The following NADSYN1 variants were observed in gnomAD, a reference collection of about 807,000 sequenced individuals.
NADSYN1 encodes NAD synthetase 1.
A neutral mutation model predicts 99.3 loss-of-function variants in NADSYN1; 80 were observed. That is an observed-to-expected ratio of 0.81 (90% CI 0.67 to 0.97). The LOEUF (loss-of-function observed/expected upper bound fraction) is 0.97, where lower values mean the gene tolerates loss of function less well. Ranked by LOEUF, NADSYN1 falls within the 50% of genes least tolerant of loss-of-function variation. The pLI is 0.00. For synonymous variants in NADSYN1, 385 were observed against 372.1 expected (o/e 1.03, Z -0.40); for missense variants, 859 against 948.5 (o/e 0.91, Z 1.24).
rs118169301 is a variant in NADSYN1, at chr11:71,457,371, C to T, written c.147-1057C>T. Reference sequence around the variant, plus strand: ...GTTTTGGGGTTTATGCAGGTGTGTGCGAGGTTTGCTGGGCATTTGAAGTGT... The same window carrying T: ...GTTTTGGGGTTTATGCAGGTGTGTGTGAGGTTTGCTGGGCATTTGAAGTGT... On this transcript the variant is annotated intron_variant, in intron 2 of 20. Transcript: ENST00000319023. 2.6e-3 allele frequency among the ~76,000 whole-genome samples: 393 copies of T among 152,286 alleles called. 10 individuals are homozygous for T. In the East Asian group the frequency reaches 0.06, roughly 23 times the overall value.
At chr11:71,495,724 C>G (rs145193835) in intron 18 of NADSYN1, among the ~76,000 whole-genome samples, 1 of 152,238 alleles carries the variant, frequency 6.6e-6, no homozygotes, top group Non-Finnish European at 1.5e-5. Context: ...GTGCGCAACC[C>G]GTCAGGTGCT....
chr11:71,495,849 G>A (rs1949815300), intron 18 of NADSYN1, among the ~76,000 whole-genome samples: 1 of 152,204 alleles, frequency 6.6e-6, no homozygotes, highest in African/African-American at 2.4e-5. Flanking sequence ...GTCTGATGAT[G>A]GCCCTGGGGT....
At chr11:71,473,711 C>T (rs774543098) in intron 8 of NADSYN1, 25 bp downstream of exon 8, 70 of 1,518,406 alleles carry the variant, frequency 4.6e-5, no homozygotes, top group Middle Eastern at 1.7e-4. Context: ...AGGGAGCGTG[C>T]GCCACAGGGC....
At chr11:71,498,263 C>A in intron 19 of NADSYN1, 89 bp from the exon 20 acceptor site, 1 of 1,452,358 alleles carries the variant, frequency 6.9e-7, no homozygotes, top group Non-Finnish European at 9.5e-7. Flanking sequence ...ACCCATTAGT[C>A]ATTTGCTTGT....
intron 14 of NADSYN1, among the ~76,000 whole-genome samples, chr11:71,483,283 T>G (rs1370894981): frequency 6.6e-6 from 1 of 152,178 alleles, no homozygotes; most frequent in African/African-American, 2.4e-5. Flanking sequence ...TCTCTTGGTT[T>G]GAGCCAGATT....
chr11:71,470,992 T>A (rs1949622903), intron 5 of NADSYN1, among the ~76,000 whole-genome samples: 1 of 152,246 alleles, frequency 6.6e-6, no homozygotes, highest in African/African-American at 2.4e-5. Context: ...TATCTGCAAG[T>A]ATTTTAAGAC....
At chr11:71,459,314 G>A (rs563603456) in intron 3 of NADSYN1, among the ~76,000 whole-genome samples, 7 of 149,506 alleles carry the variant, frequency 4.7e-5, no homozygotes, top group South Asian at 2.1e-4. Flanking sequence ...CTGTGCTGGC[G>A]TCTGTGCTGT....
intron 3 of NADSYN1, 88 bp from the exon 4 acceptor site, chr11:71,463,344 C>A: frequency 8.4e-7 from 1 of 1,197,084 alleles, no homozygotes; most frequent in African/African-American, 1.5e-5. Context: ...AAGTAAAATG[C>A]ATGATTCCAG....
intron 20 of NADSYN1, chr11:71,499,336 A>G (rs1020904040): frequency 6.6e-6 from 1 of 152,130 alleles, no homozygotes; most frequent in African/African-American, 2.4e-5. Flanking sequence ...GGGTAGTTCT[A>G]TTTTTAATCT....
intron 2 of NADSYN1, 51 bp from the exon 3 acceptor site, chr11:71,458,377 C>A: frequency 7.0e-7 from 1 of 1,434,816 alleles, no homozygotes; most frequent in Middle Eastern, 1.7e-4. Flanking sequence ...CCCTGCCCCT[C>A]CCCGCTCACC....
chr11:71,479,406 A>G (rs1464390801), intron 10 of NADSYN1: 2 of 151,724 alleles, frequency 1.3e-5, no homozygotes, highest in Non-Finnish European at 2.9e-5. Flanking sequence ...TTTTTTTCAT[A>G]GCAGTTTTAT....
intron 14 of NADSYN1, among the ~76,000 whole-genome samples, 157 bp from the exon 15 acceptor site, chr11:71,484,155 T>C (rs980480973): frequency 6.6e-6 from 1 of 152,232 alleles, no homozygotes; most frequent in African/African-American, 2.4e-5. Context: ...ATGGTGGTGA[T>C]GGCTGCGCAG....
intron 19 of NADSYN1, among the ~76,000 whole-genome samples, chr11:71,497,821 G>C (rs182266390): frequency 1.3e-5 from 2 of 151,550 alleles, no homozygotes; most frequent in African/African-American, 4.9e-5. Context: ...CCCACAGCCA[G>C]GTAAACACGA....
chr11:71,484,483 G>T, intron 15 of NADSYN1, 36 bp downstream of exon 15: 1 of 1,595,458 alleles, frequency 6.3e-7, no homozygotes. Context: ...CTGGGGGTGG[G>T]GGTGCAGGGA....
At chr11:71,477,040 G>T in intron 9 of NADSYN1, 1 of 1,069,142 alleles carries the variant, frequency 9.4e-7, no homozygotes, top group Non-Finnish European at 1.1e-6. Flanking sequence ...GTCCTCCGTG[G>T]TGCACCTGAA....
intron 20 of NADSYN1, chr11:71,499,024 C>T (rs11233933): frequency 0.2 from 30,841 of 154,940 alleles, 3,354 homozygotes; most frequent in South Asian, 0.34. Context: ...ATTCCACAGA[C>T]GAATCAGACC....
Position 71,482,941 on chromosome 11 carries a change from A to T in NADSYN1, c.1243A>T (p.Thr415Ser). The T allele has an allele frequency of 6.2e-7, 1 of 1,613,148 alleles. No individual in the cohort carries two copies. The highest frequency in any genetic ancestry group is 8.5e-7 in the Non-Finnish European group (1 of 1,179,644). Reference sequence around the variant, plus strand: ...AGACCTCTGTGGACGCATACTGACCACCTGCTACATGGCCAGCAAGAACTC... The same window carrying T: ...AGACCTCTGTGGACGCATACTGACCTCCTGCTACATGGCCAGCAAGAACTC... Reference protein sequence around the residue: ...PRDLCGRILTTCYMASKNSSQ... With the variant: ...PRDLCGRILTSCYMASKNSSQ... The change falls in exon 14 of 21, where the codon ACC becomes TCC. Residue 415 changes from threonine (T) to serine (S), a missense_variant. Thr to Ser is a moderately conservative substitution (Grantham distance 58). Transcript: ENST00000319023.
chr11:71,458,703 C>A, intron 3 of NADSYN1, 159 bp downstream of exon 3: 1 of 595,912 alleles, frequency 1.7e-6, no homozygotes, highest in African/African-American at 1.8e-5. Context: ...CCTATCTCAG[C>A]CCCGTAAGCC....
intron 5 of NADSYN1, among the ~76,000 whole-genome samples, chr11:71,471,437 C>T (rs189650335): frequency 2.0e-5 from 3 of 152,368 alleles, no homozygotes; most frequent in Admixed American, 2.0e-4. Flanking sequence ...TCCTTGCCTG[C>T]AGAGAGCCAT....
Sources: allele counts gnomAD v4.1 joint callset (sites outside exome capture counted in the v4.1 genomes callset), GRCh38; gene constraint gnomAD v4.1.1; transcripts MANE v1.5; gene names NCBI Gene and HGNC (gene_info 2026-07-23, HGNC 2026-07-21).